The following AHCYL2 variants were observed in gnomAD, a reference collection of about 807,000 sequenced individuals.
AHCYL2 encodes S-adenosylhomocysteine hydrolase-like protein 2.
Under a neutral mutation model 81.4 loss-of-function variants are expected in AHCYL2, and 28 were observed. The ratio of observed to expected loss-of-function variants is 0.34; its 90% CI spans 0.25 to 0.47. AHCYL2 has a LOEUF of 0.47. Among genes scored for constraint, AHCYL2 ranks in the 20% least tolerant of loss-of-function variants. The pLI, the probability that AHCYL2 is intolerant of heterozygous loss-of-function variation, is 1.00. For synonymous variants in AHCYL2, 272 were observed against 290.2 expected, an observed-to-expected ratio of 0.94 and a Z score of 0.64; for missense variants, 551 against 785.1, an observed-to-expected ratio of 0.70 and a Z score of 3.56.
intron 1 of AHCYL2, among the ~76,000 whole-genome samples, chr7:129,286,927 G>T (rs1796655533): frequency 6.6e-6 from 1 of 151,846 alleles, no homozygotes; most frequent in Admixed American, 6.6e-5. Flanking sequence ...TATTTTAAAT[G>T]GAGACATTTA....
At chr7:129,335,046 A>AT (rs1274312667) in intron 1 of AHCYL2, among the ~76,000 whole-genome samples, 1 of 152,132 alleles carries the variant, frequency 6.6e-6, no homozygotes, top group Non-Finnish European at 1.5e-5. Flanking sequence ...GTGGTTTGGA[A>AT]TTTTTTTAAA....
rs1316792763 is a variant in AHCYL2 at position 129,379,837 on chromosome 7, C to T, written c.475+88C>T. On this transcript the variant is annotated intron_variant, in intron 2 of 16. Coordinates refer to ENST00000325006, the MANE Select transcript of AHCYL2 (RefSeq NM_015328.4). The stretch of plus-strand genomic sequence containing the variant: ...TCCTGTCTATCCAAGGCTAATTAAG[C>T]ATGACCAAGACTGTGCTTTGAATAA... 4.1e-6 allele frequency: 4 copies of T among 984,358 alleles called. No individual in the cohort carries two copies. The Admixed American group carries it at 7.8e-5, about 19-fold the overall frequency. The allele number at this position is 984,358 out of a possible 1,614,324, so 61.0% of individuals were successfully genotyped here.
chr7:129,338,076 A>G lies in AHCYL2; in HGVS notation c.364-41562A>G, dbSNP rs138233144. Reference sequence around the variant, plus strand: ...CTTTACAACAAAAATGCTTTAATGAATATCTTCATTATTTCATACATGGGG... The same window carrying G: ...CTTTACAACAAAAATGCTTTAATGAGTATCTTCATTATTTCATACATGGGG... On this transcript the variant is annotated intron_variant, in intron 1 of 16. Coordinates refer to ENST00000325006, the MANE Select transcript of AHCYL2 (RefSeq NM_015328.4). Among the ~76,000 whole-genome samples the G allele has an allele frequency of 3.4e-3, 515 of 152,166 alleles. 1 individual carries two copies. Among genetic ancestry groups the G allele is most frequent in the African/African-American group, 0.012 (484 of 41,532 alleles).
At chr7:129,245,722 A>G (rs1039216742) in intron 1 of AHCYL2, among the ~76,000 whole-genome samples, 8 of 152,208 alleles carry the variant, frequency 5.3e-5, no homozygotes, top group Non-Finnish European at 1.2e-4. Flanking sequence ...CATTTTACAT[A>G]TACGTACCAC....
At chr7:129,310,007 T>G (rs978003772) in intron 1 of AHCYL2, among the ~76,000 whole-genome samples, 2 of 152,182 alleles carry the variant, frequency 1.3e-5, no homozygotes, top group African/African-American at 2.4e-5. Flanking sequence ...CTGTTTGACC[T>G]CATTTTTACC....
chr7:129,259,257 T>A (rs1795536018), intron 1 of AHCYL2, among the ~76,000 whole-genome samples: 2 of 152,210 alleles, frequency 1.3e-5, no homozygotes, highest in Non-Finnish European at 2.9e-5. Context: ...TGGCTTATGG[T>A]GGAACAAGTG....
chr7:129,357,992 C>T (rs1793796234), intron 1 of AHCYL2, among the ~76,000 whole-genome samples: 1 of 151,260 alleles, frequency 6.6e-6, no homozygotes, highest in Non-Finnish European at 1.5e-5. Context: ...ACTGTTGATA[C>T]CAGCACTGTT....
intron 1 of AHCYL2, among the ~76,000 whole-genome samples, chr7:129,274,923 T>G (rs546961116): frequency 6.6e-6 from 1 of 152,290 alleles, no homozygotes; most frequent in African/African-American, 2.4e-5. Flanking sequence ...GCCATCTTCA[T>G]CCTTTCAGGG....
intron 10 of AHCYL2, among the ~76,000 whole-genome samples, chr7:129,407,656 G>A (rs1004486902): frequency 6.6e-6 from 1 of 152,134 alleles, no homozygotes; most frequent in African/African-American, 2.4e-5. Context: ...AGATTATCCT[G>A]TAGACACGAA....
At chr7:129,303,355 G>A (rs2150765753) in intron 1 of AHCYL2, among the ~76,000 whole-genome samples, 1 of 152,222 alleles carries the variant, frequency 6.6e-6, no homozygotes, top group South Asian at 2.1e-4. Flanking sequence ...GATCTGTTTA[G>A]GTTTTAGGTT....
At position 129,294,817 on chromosome 7, in the gene AHCYL2, C is replaced by CAT. The variant is rs140031794; in HGVS notation, c.363+69378_363+69379insAT. On this transcript the variant is annotated intron_variant, in intron 1 of 16. Transcript: ENST00000325006. ...ATTAGAATTTTAGATCCACTATTAA[C>CAT]GTGTACCCTGGATAAGTCATATGTT... Among the ~76,000 whole-genome samples, 515 of 152,258 alleles carry CAT rather than the reference C, an allele frequency of 3.4e-3. 1 individual carries two copies. The highest frequency in any genetic ancestry group is 0.012 in the African/African-American group (498 of 41,554).
chr7:129,376,058 C>A, intron 1 of AHCYL2: 1 of 1,105,874 alleles, frequency 9.0e-7, no homozygotes, highest in South Asian at 1.5e-5. Context: ...AGCTACCCCT[C>A]TTTTAACAGT....
intron 1 of AHCYL2, among the ~76,000 whole-genome samples, chr7:129,295,362 A>G (rs538295728): frequency 3.3e-5 from 5 of 152,342 alleles, no homozygotes; most frequent in South Asian, 2.1e-4. Context: ...AATGTTACGT[A>G]TGAGTCAGTC....
chr7:129,369,249 T>C (rs1794256180), intron 1 of AHCYL2, among the ~76,000 whole-genome samples: 1 of 152,246 alleles, frequency 6.6e-6, no homozygotes, highest in Admixed American at 6.5e-5. Flanking sequence ...TGTTTCTAAA[T>C]AGTTTCTTCT....
rs375281570 is a variant in AHCYL2, at chr7:129,335,726, C to G, written c.364-43912C>G. 9.9e-5 allele frequency among the ~76,000 whole-genome samples: 15 copies of G among 152,256 alleles called. No homozygotes were observed. The East Asian group carries it at 1.5e-3, about 16-fold the overall frequency. The stretch of plus-strand genomic sequence containing the variant: ...TGTAGTCTTTCCAGCATGATGGTCT[C>G]AAGATAGTCAGGTTTTTTACATGGT... On this transcript the variant is annotated intron_variant, in intron 1 of 16. Coordinates refer to ENST00000325006, the MANE Select transcript of AHCYL2 (RefSeq NM_015328.4).
chr7:129,255,352 T>C (rs1320747137), intron 1 of AHCYL2, among the ~76,000 whole-genome samples: 1 of 152,258 alleles, frequency 6.6e-6, no homozygotes, highest in Non-Finnish European at 1.5e-5. Context: ...TATTTTAACA[T>C]ATCAATATAA....
intron 1 of AHCYL2, among the ~76,000 whole-genome samples, chr7:129,256,881 T>C (rs898094737): frequency 6.6e-6 from 1 of 151,998 alleles, no homozygotes; most frequent in Non-Finnish European, 1.5e-5. Context: ...ATAAACTTTT[T>C]CTTAAATAAA....
At chr7:129,239,949 C>T (rs62480590) in intron 1 of AHCYL2, among the ~76,000 whole-genome samples, 50,656 of 151,758 alleles carry the variant, frequency 0.33, 9,542 homozygotes, top group Non-Finnish European at 0.42. Context: ...GCTGGCCGGA[C>T]GCGGTGGCTC....
At chr7:129,358,507 T>C (rs564562547) in intron 1 of AHCYL2, among the ~76,000 whole-genome samples, 9 of 152,216 alleles carry the variant, frequency 5.9e-5, no homozygotes, top group African/African-American at 1.9e-4. Flanking sequence ...GACAAATAGA[T>C]TGTATGATTC....
Sources: gnomAD v4.1 joint callset for allele counts (sites outside exome capture counted in the v4.1 genomes callset) on GRCh38, gnomAD v4.1.1 for gene constraint, MANE v1.5 for transcripts, NCBI Gene and HGNC (gene_info 2026-07-23, HGNC 2026-07-21) for gene names.